Variants in TRDN observed in about 807,000 individuals in gnomAD.
TRDN encodes the protein triadin, also known as triadin in skeletal muscle.
TRDN carries 161 observed loss-of-function variants against 149.7 expected under a neutral mutation model. The observed-to-expected ratio is 1.08, with a 90% CI of 0.95 to 1.23. TRDN has a LOEUF of 1.23. TRDN is among the 50% of genes most tolerant of loss of function. The pLI, the probability that TRDN is intolerant of heterozygous loss-of-function variation, is 0.00. For synonymous variants in TRDN, 294 were observed against 250.5 expected (o/e 1.17, Z -1.64); for missense variants, 896 against 823.5 (o/e 1.09, Z -1.08).
In TRDN at chr6:123,503,794, C is replaced by A. The variant is rs1583158085; in HGVS notation, c.718G>T (p.Val240Leu). The change falls in exon 8 of 41, where the codon GTA (valine) becomes TTA (leucine). Residue 240 changes from valine to leucine, a missense_variant. Val to Leu is a conservative substitution (Grantham distance 32). Coordinates refer to ENST00000334268, the MANE Select transcript of TRDN (RefSeq NM_006073.4). ...VKQTAAKVKE[V>L]QKTPSKPKEK... is the part of the protein sequence containing the mutation. ...TTGGGTTTTGATGGTGTTTTCTGTACTTCTTTTACTTTTGCAGCTGTTTGC... is the reference window on the plus strand; with the variant it reads ...TTGGGTTTTGATGGTGTTTTCTGTAATTCTTTTACTTTTGCAGCTGTTTGC... 2.5e-6 allele frequency: 4 copies of A among 1,613,188 alleles called. No individual in the cohort carries two copies. The highest frequency in any genetic ancestry group is 1.3e-5 in the African/African-American group (1 of 74,998).
intron 22 of TRDN, among the ~76,000 whole-genome samples, chr6:123,334,121 A>G (rs548619183): frequency 7.2e-5 from 11 of 152,166 alleles, no homozygotes; most frequent in African/African-American, 2.2e-4. Flanking sequence ...TCTTCAGACA[A>G]CTTACCCCAA....
intron 2 of TRDN, among the ~76,000 whole-genome samples, chr6:123,560,753 T>C (rs182459176): frequency 6.6e-6 from 1 of 152,158 alleles, no homozygotes; most frequent in Non-Finnish European, 1.5e-5. Context: ...AGGCAAATGG[T>C]TCTTGGACCA....
intron 23 of TRDN, among the ~76,000 whole-genome samples, chr6:123,329,074 T>C (rs1340167593): frequency 6.6e-6 from 1 of 152,152 alleles, no homozygotes; most frequent in East Asian, 1.9e-4. Flanking sequence ...TGCACTTCCA[T>C]ATTCCTGGAA....
chr6:123,599,829 T>C (rs1269446026), intron 1 of TRDN, among the ~76,000 whole-genome samples: 1 of 151,954 alleles, frequency 6.6e-6, no homozygotes, highest in Non-Finnish European at 1.5e-5. Flanking sequence ...TTGCATTTTA[T>C]CTAGTGTGGA....
At chr6:123,579,263 C>T (rs760627612) in intron 1 of TRDN, among the ~76,000 whole-genome samples, 8 of 152,024 alleles carry the variant, frequency 5.3e-5, no homozygotes, top group Admixed American at 4.6e-4. Flanking sequence ...ATCAGTATGA[C>T]GTTGGCTGTG....
intron 37 of TRDN, 144 bp downstream of exon 37, chr6:123,254,937 T>C: frequency 1.7e-6 from 1 of 601,458 alleles, no homozygotes; most frequent in East Asian, 3.2e-5. Context: ...TGCTAGATTT[T>C]CTACCTGTCC....
intron 8 of TRDN, 23 bp downstream of exon 8, chr6:123,503,695 CA>C (rs1562351243): frequency 6.2e-7 from 1 of 1,613,276 alleles, no homozygotes; most frequent in Non-Finnish European, 8.5e-7. Flanking sequence ...GAACCTCCGG[CA>C]GCCTCCTGCT....
chr6:123,401,416 A>G (rs1047217607), intron 12 of TRDN, among the ~76,000 whole-genome samples: 1 of 152,124 alleles, frequency 6.6e-6, no homozygotes, highest in African/African-American at 2.4e-5. Context: ...AACATTATGC[A>G]ATTTGATTTT....
At chr6:123,348,526 TA>T (rs368288154) in intron 21 of TRDN, among the ~76,000 whole-genome samples, 56 of 152,204 alleles carry the variant, frequency 3.7e-4, no homozygotes, top group African/African-American at 1.3e-3. Flanking sequence ...TGTCTTTTCA[TA>T]ATTAGGCCTG....
intron 21 of TRDN, among the ~76,000 whole-genome samples, chr6:123,344,246 A>C (rs1225190543): frequency 6.6e-6 from 1 of 152,070 alleles, no homozygotes; most frequent in Non-Finnish European, 1.5e-5. Context: ...TGGTACATTT[A>C]TTACCATCCA....
At chr6:123,474,482 C>T (rs1014529515) in intron 9 of TRDN, among the ~76,000 whole-genome samples, 3 of 152,050 alleles carry the variant, frequency 2.0e-5, no homozygotes, top group African/African-American at 7.3e-5. Context: ...TAATGGGAGA[C>T]TTTAACACCC....
intron 26 of TRDN, among the ~76,000 whole-genome samples, chr6:123,276,870 C>T (rs139547913): frequency 3.2e-4 from 48 of 152,184 alleles, no homozygotes; most frequent in African/African-American, 1.1e-3. Context: ...TGAATTCAAA[C>T]GCCTGGGTTA....
At chr6:123,373,203 G>T (rs1781385427) in intron 19 of TRDN, among the ~76,000 whole-genome samples, 1 of 152,138 alleles carries the variant, frequency 6.6e-6, no homozygotes, top group South Asian at 2.1e-4. Context: ...GGAGGTAATT[G>T]AATCATGGGG....
At chr6:123,406,654 A>T (rs561187980) in intron 12 of TRDN, among the ~76,000 whole-genome samples, 1 of 152,284 alleles carries the variant, frequency 6.6e-6, no homozygotes, top group South Asian at 2.1e-4. Flanking sequence ...TGATAGCCAT[A>T]TATAAACATA....
intron 13 of TRDN, among the ~76,000 whole-genome samples, chr6:123,393,406 C>CCTT (rs1165900086): frequency 6.6e-6 from 1 of 152,016 alleles, no homozygotes; most frequent in African/African-American, 2.4e-5. Flanking sequence ...GTTCTTGGGT[C>CCTT]CTTCAGCAGT....
At chr6:123,405,690 A>C (rs747857553) in intron 12 of TRDN, among the ~76,000 whole-genome samples, 1 of 152,198 alleles carries the variant, frequency 6.6e-6, no homozygotes, top group Non-Finnish European at 1.5e-5. Flanking sequence ...TCATCTTTCA[A>C]CCAGGCTCAC....
intron 24 of TRDN, among the ~76,000 whole-genome samples, chr6:123,294,626 T>G (rs2114657176): frequency 6.6e-6 from 1 of 152,278 alleles, no homozygotes; most frequent in South Asian, 2.1e-4. Flanking sequence ...ATGCTGCTGT[T>G]AATCTAACAG....
At chr6:123,562,995 T>A (rs993691629) in intron 2 of TRDN, among the ~76,000 whole-genome samples, 7 of 152,200 alleles carry the variant, frequency 4.6e-5, no homozygotes, top group Non-Finnish European at 1.0e-4. Context: ...CAACTGAAAT[T>A]TTTCCACACT....
intron 36 of TRDN, among the ~76,000 whole-genome samples, 158 bp downstream of exon 36, chr6:123,255,709 T>C (rs1776532691): frequency 6.6e-6 from 1 of 152,156 alleles, no homozygotes; most frequent in Non-Finnish European, 1.5e-5. Context: ...ATCATTTTTA[T>C]TGTGTTTTTT....
Sources: gnomAD v4.1 joint callset for allele counts (sites outside exome capture counted in the v4.1 genomes callset) on GRCh38, gnomAD v4.1.1 for gene constraint, MANE v1.5 for transcripts, NCBI Gene and HGNC (gene_info 2026-07-23, HGNC 2026-07-21) for gene names.